The following FBN1 variants were observed in gnomAD, a reference collection of about 807,000 sequenced individuals.
The protein encoded by FBN1 is fibrillin-1.
Under a neutral mutation model 365.1 loss-of-function variants are expected in FBN1, and 29 were observed. The ratio of observed to expected loss-of-function variants is 0.08; its 90% CI spans 0.06 to 0.11. FBN1 has a LOEUF of 0.11. Among genes scored for constraint, FBN1 ranks in the 10% least tolerant of loss-of-function variants. The probability of loss-of-function intolerance (pLI) is 1.00; values close to 1 mark genes in which losing one functional copy is unlikely to be tolerated. For missense variants in FBN1, 2,476 were observed against 3,703.2 expected (o/e 0.67, Z 8.60); for synonymous variants, 1,210 against 1,270.5 (o/e 0.95, Z 1.01).
intron 30 of FBN1, among the ~76,000 whole-genome samples, chr15:48,484,375 AT>A (rs562389903): frequency 0.012 from 1,762 of 143,820 alleles, 17 homozygotes; most frequent in Non-Finnish European, 0.018. Context: ...ACTTTCAACA[AT>A]TTTTTTTTTT....
intron 2 of FBN1, among the ~76,000 whole-genome samples, chr15:48,619,787 C>T (rs1566939626): frequency 6.6e-6 from 1 of 150,500 alleles, no homozygotes; most frequent in South Asian, 2.1e-4. Flanking sequence ...AAGAAACAAA[C>T]TGAAATAATT....
intron 15 of FBN1, among the ~76,000 whole-genome samples, chr15:48,505,475 T>C (rs2043700900): frequency 6.6e-6 from 1 of 152,150 alleles, no homozygotes; most frequent in Admixed American, 6.5e-5. Flanking sequence ...TTTTGTGAAA[T>C]GTATAACCAG....
chr15:48,468,533 A>C lies in FBN1; in HGVS notation c.4461T>G (p.Asp1487Glu). ...ELDRSGGNCT[D>E]VNECLDPTTC... is the part of the protein sequence containing the mutation. ...TGGTTGGATCCAGGCATTCATTCAC[A>C]TCTAAAACCGAACAGTGAGTAGTGG... The change falls in exon 37 of 66, where the codon GAT becomes GAG. Residue 1487 changes from aspartate (D) to glutamate (E), a missense_variant and splice_region_variant. Asp to Glu is a conservative substitution (Grantham distance 45). This residue lies in a region of FBN1 where 1,780 missense variants were observed against 2,840.8 expected (regional missense o/e 0.63). Transcript: ENST00000316623. 1 of 1,614,116 alleles carries C rather than the reference A, an allele frequency of 6.2e-7. No homozygotes were observed. The highest frequency in any genetic ancestry group is 2.2e-5 in the East Asian group (1 of 44,868).
chr15:48,411,447 A>G, intron 65 of FBN1, 68 bp from the exon 66 acceptor site: 1 of 1,440,598 alleles, frequency 6.9e-7, no homozygotes, highest in Non-Finnish European at 9.7e-7. Flanking sequence ...TATTAAAGAA[A>G]AAATGACTCA....
intron 58 of FBN1, among the ~76,000 whole-genome samples, chr15:48,426,644 C>T (rs939544088): frequency 3.9e-5 from 6 of 152,162 alleles, no homozygotes; most frequent in African/African-American, 1.4e-4. Flanking sequence ...CAGCCCTTGA[C>T]TGCCAAATAA....
chr15:48,629,003 C>A (rs1018646113), intron 2 of FBN1, among the ~76,000 whole-genome samples: 5 of 152,208 alleles, frequency 3.3e-5, no homozygotes, highest in African/African-American at 9.7e-5. Context: ...GACCATACCA[C>A]TGGAATGCAG....
chr15:48,493,846 A>G (rs1178838853), intron 23 of FBN1, among the ~76,000 whole-genome samples: 1 of 152,226 alleles, frequency 6.6e-6, no homozygotes, highest in Non-Finnish European at 1.5e-5. Context: ...TGACTGTGAA[A>G]CAAACAAATA....
chr15:48,542,781 A>ATGTG (rs58728910), intron 6 of FBN1, among the ~76,000 whole-genome samples: 14,462 of 130,332 alleles, frequency 0.11, 941 homozygotes, highest in African/African-American at 0.17. Flanking sequence ...GGACTCTAAG[A>ATGTG]TGTGTGTGTG....
At chr15:48,542,781 A>ATATGTGTG (rs1398899180) in intron 6 of FBN1, among the ~76,000 whole-genome samples, 2 of 130,572 alleles carry the variant, frequency 1.5e-5, no homozygotes, top group Non-Finnish European at 3.1e-5. Flanking sequence ...GGACTCTAAG[A>ATATGTGTG]TGTGTGTGTG....
chr15:48,622,805 C>G (rs1190921403), intron 2 of FBN1, among the ~76,000 whole-genome samples: 2 of 152,158 alleles, frequency 1.3e-5, no homozygotes, highest in Admixed American at 6.5e-5. Flanking sequence ...AGCCCTCACT[C>G]ATGCACGCAC....
chr15:48,577,775 C>T (rs1002846098), intron 6 of FBN1, among the ~76,000 whole-genome samples: 3 of 152,224 alleles, frequency 2.0e-5, no homozygotes, highest in African/African-American at 7.2e-5. Flanking sequence ...CCATAATGCA[C>T]GAATTAATGT....
At position 48,410,394 on chromosome 15, in the gene FBN1, A is replaced by G. The variant is rs2042851013; in HGVS notation, c.*596T>C. The G allele has an allele frequency of 6.5e-6, 1 of 153,056 alleles. No individual in the cohort carries two copies. The highest frequency in any genetic ancestry group is 6.5e-5 in the Admixed American group (1 of 15,312). The allele number at this position is 153,056 out of a possible 1,614,324, so 9.5% of individuals were successfully genotyped here. A position where few individuals can be genotyped will look rare whatever the true frequency, so the allele number is the denominator to read the frequency against. ...CAATGATAAAAAATAGCACGATTAC[A>G]GTATACACACACTTAATTTACATGT... On this transcript the variant is annotated 3_prime_UTR_variant, in exon 66 of 66. Coordinates refer to ENST00000316623, the MANE Select transcript of FBN1 (RefSeq NM_000138.5).
chr15:48,469,907 G>C (rs2043357032), intron 36 of FBN1, among the ~76,000 whole-genome samples: 1 of 152,106 alleles, frequency 6.6e-6, no homozygotes, highest in Admixed American at 6.5e-5. Context: ...TGGTGGTCAT[G>C]ATCTGGAGAG....
chr15:48,437,414 T>C (rs752591719), intron 51 of FBN1, 27 bp from the exon 52 acceptor site: 38 of 1,561,166 alleles, frequency 2.4e-5, no homozygotes, highest in African/African-American at 9.5e-5. Flanking sequence ...CATTAATAGA[T>C]AGAACAATAG....
At chr15:48,568,049 G>GAAAGAAAGAAAGAAAGA (rs369157930) in intron 6 of FBN1, among the ~76,000 whole-genome samples, 17 of 40,138 alleles carry the variant, frequency 4.2e-4, no homozygotes, top group African/African-American at 1.5e-3. Context: ...AAGAAAGAAA[G>GAAAGAAAGAAAGAAAGA]AAGAAAGAAA....
At chr15:48,568,663 GA>G (rs1359819762) in intron 6 of FBN1, among the ~76,000 whole-genome samples, 2 of 152,012 alleles carry the variant, frequency 1.3e-5, no homozygotes, top group African/African-American at 4.8e-5. Flanking sequence ...CAATGAAACA[GA>G]ATAGAAAGGC....
chr15:48,503,520 A>C (rs1403611704), intron 17 of FBN1, among the ~76,000 whole-genome samples: 1 of 152,230 alleles, frequency 6.6e-6, no homozygotes, highest in African/African-American at 2.4e-5. Context: ...AAAACAAGGC[A>C]AGGTGCATGT....
At chr15:48,611,872 G>A (rs1240837093) in intron 3 of FBN1, among the ~76,000 whole-genome samples, 2 of 152,218 alleles carry the variant, frequency 1.3e-5, no homozygotes, top group African/African-American at 4.8e-5. Context: ...TCTTGCAAGT[G>A]CAAACATGAT....
chr15:48,626,820 T>A (rs1889893093), intron 2 of FBN1, among the ~76,000 whole-genome samples: 1 of 152,176 alleles, frequency 6.6e-6, no homozygotes, highest in Non-Finnish European at 1.5e-5. Context: ...TAAGGGAATT[T>A]AACCAAATCA....
Sources: gnomAD v4.1 joint callset for allele counts (sites outside exome capture counted in the v4.1 genomes callset) on GRCh38, gnomAD v4.1.1 for gene constraint, gnomAD v4.1.1 regional missense constraint, MANE v1.5 for transcripts, NCBI Gene and HGNC (gene_info 2026-07-23, HGNC 2026-07-21) for gene names.